GRM5: variants seen among roughly 807,000 people sequenced by gnomAD.
The protein encoded by GRM5 is metabotropic glutamate receptor 5.
In GRM5, 19 loss-of-function variants were observed where a neutral mutation model predicts 83.1. The ratio of observed to expected loss-of-function variants is 0.23; its 90% CI spans 0.16 to 0.34. The LOEUF is 0.34. Ranked by LOEUF, GRM5 falls within the 10% of genes least tolerant of loss-of-function variation. The pLI is 1.00. For missense variants in GRM5, 1,160 were observed against 1,588.3 expected, an observed-to-expected ratio of 0.73 and a Z score of 4.58; for synonymous variants, 675 against 633.6, an observed-to-expected ratio of 1.07 and a Z score of -0.98.
At chr11:88,645,251 G>A (rs1939410611) in intron 4 of GRM5, among the ~76,000 whole-genome samples, 1 of 152,066 alleles carries the variant, frequency 6.6e-6, no homozygotes, top group African/African-American at 2.4e-5. Flanking sequence ...CTCAGTGTCT[G>A]GATTCCCTTG....
intron 2 of GRM5, among the ~76,000 whole-genome samples, chr11:88,917,824 A>T (rs2135622374): frequency 6.6e-6 from 1 of 152,304 alleles, no homozygotes; most frequent in African/African-American, 2.4e-5. Flanking sequence ...AAGCATGCCT[A>T]CAAGATTTAT....
intron 4 of GRM5, among the ~76,000 whole-genome samples, chr11:88,606,235 C>T (rs1484250222): frequency 6.6e-6 from 1 of 152,178 alleles, no homozygotes; most frequent in Non-Finnish European, 1.5e-5. Context: ...AAGATTGCTG[C>T]CTTTTGGCTA....
chr11:88,728,739 C>G (rs1414555557), intron 3 of GRM5, among the ~76,000 whole-genome samples: 1 of 151,974 alleles, frequency 6.6e-6, no homozygotes, highest in Admixed American at 6.6e-5. Context: ...TCAATAAACA[C>G]AATCCATCAC....
At chr11:89,000,129 C>T (rs1256350351) in intron 2 of GRM5, among the ~76,000 whole-genome samples, 1 of 151,998 alleles carries the variant, frequency 6.6e-6, no homozygotes. Flanking sequence ...AGGAGAGATA[C>T]CTAATGCTAA....
intron 3 of GRM5, among the ~76,000 whole-genome samples, chr11:88,835,889 T>C (rs1453004962): frequency 6.6e-6 from 1 of 152,232 alleles, no homozygotes; most frequent in Non-Finnish European, 1.5e-5. Flanking sequence ...GAACATTATG[T>C]TCCAGGATGT....
At position 88,752,811 on chromosome 11, in the gene GRM5, C is replaced by T. The variant is rs183620838; in HGVS notation, c.911+97095G>A. Among the ~76,000 whole-genome samples, 9 of 152,302 alleles carry T rather than the reference C, an allele frequency of 5.9e-5. No individual in the cohort carries two copies. In the East Asian group the frequency reaches 1.7e-3, roughly 29 times the overall value. ...ACTCAGAAATAAGACTGCACACTTA[C>T]AACTATCTAATCTTTGACAAACCTG... On this transcript the variant is annotated intron_variant, in intron 3 of 9. Coordinates refer to ENST00000305447, the MANE Select transcript of GRM5 (RefSeq NM_001143831.3).
intron 3 of GRM5, among the ~76,000 whole-genome samples, chr11:88,670,359 C>A (rs1035891655): frequency 5.9e-5 from 9 of 151,928 alleles, no homozygotes; most frequent in Non-Finnish European, 1.2e-4. Flanking sequence ...AGGGCATAGA[C>A]AGAACTATTA....
intron 2 of GRM5, among the ~76,000 whole-genome samples, chr11:89,032,891 T>C (rs1941295144): frequency 6.6e-6 from 1 of 152,072 alleles, no homozygotes; most frequent in Non-Finnish European, 1.5e-5. Flanking sequence ...TAATTACTGA[T>C]GGAGCATAAA....
intron 6 of GRM5, among the ~76,000 whole-genome samples, chr11:88,592,930 C>T (rs1937678917): frequency 6.6e-6 from 1 of 152,146 alleles, no homozygotes; most frequent in Admixed American, 6.5e-5. Context: ...CCTCCCACCT[C>T]AGCTTCCTGA....
intron 3 of GRM5, among the ~76,000 whole-genome samples, chr11:88,658,294 A>G (rs1939818804): frequency 6.6e-6 from 1 of 152,208 alleles, no homozygotes; most frequent in Non-Finnish European, 1.5e-5. Context: ...GGGGAATCAT[A>G]CAATGGTTCT....
intron 4 of GRM5, among the ~76,000 whole-genome samples, chr11:88,617,631 C>A (rs867791728): frequency 3.3e-5 from 5 of 152,098 alleles, no homozygotes; most frequent in Non-Finnish European, 5.9e-5. Flanking sequence ...TGATAGTAAG[C>A]GGTGGGTGCA....
intron 3 of GRM5, among the ~76,000 whole-genome samples, chr11:88,701,464 G>A (rs1941033549): frequency 6.6e-6 from 1 of 152,090 alleles, no homozygotes; most frequent in Non-Finnish European, 1.5e-5. Context: ...GCACCGGAGA[G>A]GATAACAATA....
At chr11:88,884,825 C>T (rs552108372) in intron 2 of GRM5, among the ~76,000 whole-genome samples, 2 of 152,314 alleles carry the variant, frequency 1.3e-5, no homozygotes, top group African/African-American at 4.8e-5. Context: ...CATGACTTTG[C>T]TCCTCCTCTG....
At chr11:89,051,311 A>G (rs887422468) in intron 1 of GRM5, among the ~76,000 whole-genome samples, 11 of 151,966 alleles carry the variant, frequency 7.2e-5, no homozygotes, top group African/African-American at 2.7e-4. Flanking sequence ...CACGTAAAAA[A>G]TATGCCTACA....
intron 4 of GRM5, among the ~76,000 whole-genome samples, chr11:88,611,370 T>C (rs974504218): frequency 2.0e-5 from 3 of 152,186 alleles, no homozygotes; most frequent in Admixed American, 2.0e-4. Flanking sequence ...TGGTAGGCTT[T>C]TTATTTCTGA....
intron 2 of GRM5, among the ~76,000 whole-genome samples, chr11:88,941,770 A>C (rs1938122303): frequency 6.6e-6 from 1 of 152,074 alleles, no homozygotes; most frequent in Non-Finnish European, 1.5e-5. Context: ...AATCTTAACC[A>C]AATAATGGCA....
At chr11:88,870,220 G>T (rs906866178) in intron 2 of GRM5, among the ~76,000 whole-genome samples, 1 of 151,474 alleles carries the variant, frequency 6.6e-6, no homozygotes, top group Non-Finnish European at 1.5e-5. Flanking sequence ...GGTGAACAAT[G>T]GGAGAAAGCA....
chr11:88,815,149 CACTT>C (rs1697096476), intron 3 of GRM5, among the ~76,000 whole-genome samples: 1 of 152,112 alleles, frequency 6.6e-6, no homozygotes, highest in Non-Finnish European at 1.5e-5. Flanking sequence ...ACACACAAAA[CACTT>C]ACCAATATGG....
intron 3 of GRM5, among the ~76,000 whole-genome samples, chr11:88,725,409 C>T (rs1177345316): frequency 6.6e-6 from 1 of 152,162 alleles, no homozygotes; most frequent in African/African-American, 2.4e-5. Flanking sequence ...ATCAAACTCT[C>T]ATCTCCTTGG....
Sources: allele counts gnomAD v4.1 joint callset (sites outside exome capture counted in the v4.1 genomes callset), GRCh38; gene constraint gnomAD v4.1.1; transcripts MANE v1.5; gene names NCBI Gene and HGNC (gene_info 2026-07-23, HGNC 2026-07-21).